Variants in PIWIL1 observed in about 807,000 individuals in gnomAD.
PIWIL1 encodes the protein piwi like RNA-mediated gene silencing 1, also known as piwi-like protein 1.
PIWIL1 carries 73 observed loss-of-function variants against 114.4 expected under a neutral mutation model. That is an observed-to-expected ratio of 0.64 (90% CI 0.53 to 0.78). The LOEUF (loss-of-function observed/expected upper bound fraction) is 0.78, where lower values mean the gene tolerates loss of function less well. PIWIL1 is among the 30% of genes least tolerant of loss of function. The pLI is 0.00. For synonymous variants in PIWIL1, 375 were observed against 369.0 expected, an observed-to-expected ratio of 1.02 and a Z score of -0.19; for missense variants, 723 against 1,063.1, an observed-to-expected ratio of 0.68 and a Z score of 4.45.
the PIWIL1 span, chr12:130,414,043 TA>T: frequency 7.0e-7 from 1 of 1,423,566 alleles, no homozygotes; most frequent in Non-Finnish European, 9.9e-7. Context: ...TCTAAGTCGA[TA>T]CCCTGTTGCC....
chr12:130,367,481 G>A (rs1010309666), intron 19 of PIWIL1, among the ~76,000 whole-genome samples: 5 of 152,174 alleles, frequency 3.3e-5, no homozygotes, highest in Non-Finnish European at 4.4e-5. Context: ...GGGGGAAAGA[G>A]GATTATTTTC....
intron 19 of PIWIL1, among the ~76,000 whole-genome samples, chr12:130,368,911 C>A (rs554064991): frequency 2.6e-5 from 4 of 151,408 alleles, no homozygotes; most frequent in Admixed American, 1.3e-4. Context: ...ATTTTAAGTT[C>A]CGAGACACAC....
chr12:130,341,072 A>T (rs953888639), intron 1 of PIWIL1, among the ~76,000 whole-genome samples: 1 of 152,334 alleles, frequency 6.6e-6, no homozygotes, highest in Admixed American at 6.5e-5. Context: ...GATGAAAAAG[A>T]TAATGTGATT....
At chr12:130,420,351 G>T in the PIWIL1 span, among the ~76,000 whole-genome samples, 1 of 151,660 alleles carries the variant, frequency 6.6e-6, no homozygotes, top group Admixed American at 6.6e-5. The surrounding 1 kb of genome is among the most constrained non-coding windows in gnomAD (Gnocchi z 4.3). Flanking sequence ...ACCTATCATA[G>T]GTTTGTCAGT....
the PIWIL1 span, chr12:130,397,482 G>A: frequency 5.8e-5 from 23 of 398,884 alleles, no homozygotes; most frequent in Non-Finnish European, 9.3e-5. Context: ...TGACGTAGGT[G>A]ACCCCGAATG....
In PIWIL1 at chr12:130,372,467, A is replaced by G. The variant is rs1480718886; in HGVS notation, c.*869A>G. On this transcript the variant is annotated 3_prime_UTR_variant, in exon 21 of 21. Transcript: ENST00000245255. The stretch of plus-strand genomic sequence containing the variant: ...GTGAAACCCCATCTCTACTAAAAAT[A>G]CAAAATTAGCCAGATGTGGTGCCAG... 1 of 152,152 alleles carries G rather than the reference A, an allele frequency of 6.6e-6. No individual in the cohort carries two copies. Among genetic ancestry groups the G allele is most frequent in the African/African-American group, 2.4e-5 (1 of 41,410 alleles). The allele number at this position is 152,152 out of a possible 1,614,324, so 9.4% of individuals were successfully genotyped here.
chr12:130,405,571 T>C, the PIWIL1 span, among the ~76,000 whole-genome samples: 2 of 151,390 alleles, frequency 1.3e-5, no homozygotes, highest in Non-Finnish European at 2.9e-5. Context: ...CCCCACCCCA[T>C]TCCCTCCCTT....
the PIWIL1 span, chr12:130,398,204 A>AG: frequency 6.6e-6 from 1 of 152,232 alleles, no homozygotes; most frequent in Non-Finnish European, 1.5e-5. Flanking sequence ...AGTGCTTCAG[A>AG]GGGGTAGACT....
At chr12:130,381,992 C>G in the PIWIL1 span, among the ~76,000 whole-genome samples, 3 of 152,198 alleles carry the variant, frequency 2.0e-5, no homozygotes, top group Non-Finnish European at 4.4e-5. Flanking sequence ...CTTTTTTAAT[C>G]AGGCTGTTGT....
At chr12:130,339,675 T>A (rs2072844524) in intron 1 of PIWIL1, 1 of 152,216 alleles carries the variant, frequency 6.6e-6, no homozygotes, top group Admixed American at 6.5e-5. Flanking sequence ...CTGGGAAACC[T>A]GGACGTAGAG....
the PIWIL1 span, among the ~76,000 whole-genome samples, chr12:130,412,001 C>CT: frequency 6.6e-6 from 1 of 151,272 alleles, no homozygotes; most frequent in African/African-American, 2.4e-5. Flanking sequence ...AAAGCAGAGG[C>CT]TTTTTTTGAG....
chr12:130,368,362 T>G (rs2073728176), intron 19 of PIWIL1, among the ~76,000 whole-genome samples: 1 of 152,110 alleles, frequency 6.6e-6, no homozygotes. Flanking sequence ...CTTGGGTAAA[T>G]GAGGCAATAC....
At chr12:130,372,597 C>CAAAAAAAAAAA (rs60262232) in exon 21 of PIWIL1, 1 of 67,914 alleles carries the variant, frequency 1.5e-5, no homozygotes, top group Non-Finnish European at 2.6e-5. Flanking sequence ...GACTCCGTCT[C>CAAAAAAAAAAA]AAAAAAAAAA....
At chr12:130,367,343 T>C (rs910683532) in intron 19 of PIWIL1, 85 bp downstream of exon 19, 2 of 1,225,898 alleles carry the variant, frequency 1.6e-6, no homozygotes, top group African/African-American at 3.1e-5. Context: ...CCAATTTTAA[T>C]ACATTTTACT....
chr12:130,341,451 A>G (rs781027825), intron 1 of PIWIL1, among the ~76,000 whole-genome samples: 1 of 152,266 alleles, frequency 6.6e-6, no homozygotes, highest in African/African-American at 2.4e-5. Context: ...TAACTACTTC[A>G]TATGAAAAAG....
chr12:130,407,245 C>T, the PIWIL1 span, among the ~76,000 whole-genome samples: 17 of 152,200 alleles, frequency 1.1e-4, no homozygotes, highest in Non-Finnish European at 1.6e-4. Context: ...GGAGACCCCA[C>T]CTCTCATTTC....
intron 14 of PIWIL1, among the ~76,000 whole-genome samples, chr12:130,358,707 T>C (rs1027610253): frequency 6.6e-6 from 1 of 152,192 alleles, no homozygotes; most frequent in Non-Finnish European, 1.5e-5. Flanking sequence ...AGCTAGTTTT[T>C]TAGGCTGTCA....
the PIWIL1 span, chr12:130,412,851 C>T: frequency 2.7e-6 from 4 of 1,455,926 alleles, no homozygotes; most frequent in Non-Finnish European, 3.7e-6. Flanking sequence ...ACAATAGTCC[C>T]ACTGACGGTA....
intron 19 of PIWIL1, among the ~76,000 whole-genome samples, chr12:130,370,582 A>G (rs1195288321): frequency 2.6e-5 from 4 of 152,308 alleles, no homozygotes; most frequent in South Asian, 4.1e-4. Flanking sequence ...CCAATTCCCA[A>G]TGGATGGCTA....
Sources: allele counts gnomAD v4.1 joint callset (sites outside exome capture counted in the v4.1 genomes callset), GRCh38; gene constraint gnomAD v4.1.1; non-coding constraint Gnocchi (gnomAD v3.1); transcripts MANE v1.5; gene names NCBI Gene and HGNC (gene_info 2026-07-23, HGNC 2026-07-21).